The following NDE1 variants were observed in gnomAD, a reference collection of about 807,000 sequenced individuals.
The protein encoded by NDE1 is nuclear distribution protein nudE homolog 1.
Under a neutral mutation model 43.4 loss-of-function variants are expected in NDE1, and 28 were observed. The observed-to-expected ratio is 0.65, with a 90% CI of 0.48 to 0.89. NDE1 has a LOEUF of 0.89. NDE1 is among the 40% of genes least tolerant of loss of function. The pLI is 0.00. For synonymous variants in NDE1, 184 were observed against 172.0 expected (o/e 1.07, Z -0.55); for missense variants, 441 against 434.1 (o/e 1.02, Z -0.14).
chr16:15,673,451 C>T (rs547869462), intron 3 of NDE1, among the ~76,000 whole-genome samples: 9 of 152,144 alleles, frequency 5.9e-5, no homozygotes, highest in Admixed American at 2.6e-4. Flanking sequence ...GTGATCTGCC[C>T]GCCTTGGCCT....
At chr16:15,685,279 G>A (rs1255021604) in intron 4 of NDE1, among the ~76,000 whole-genome samples, 1 of 152,136 alleles carries the variant, frequency 6.6e-6, no homozygotes, top group Admixed American at 6.6e-5. Flanking sequence ...TTTCGAGACA[G>A]GGTCTGGCAT....
intron 5 of NDE1, among the ~76,000 whole-genome samples, chr16:15,688,825 G>A (rs1231947793): frequency 6.8e-6 from 1 of 147,568 alleles, no homozygotes; most frequent in Non-Finnish European, 1.5e-5. Context: ...AGCCTCCTGA[G>A]TAGCTGGGAC....
At chr16:15,703,968 G>T in intron 8 of NDE1, 1 of 1,613,680 alleles carries the variant, frequency 6.2e-7, no homozygotes, top group Non-Finnish European at 8.5e-7. Context: ...TTCTTGCCGT[G>T]GTGCAAAACT....
At chr16:15,707,997 C>A (rs1165717909) in intron 8 of NDE1, among the ~76,000 whole-genome samples, 4 of 150,088 alleles carry the variant, frequency 2.7e-5, no homozygotes, top group Non-Finnish European at 5.9e-5. Context: ...CCCAGAGCAG[C>A]AGAGACCTCT....
intron 8 of NDE1, chr16:15,721,708 A>T: frequency 6.7e-7 from 1 of 1,499,476 alleles, no homozygotes; most frequent in Non-Finnish European, 9.3e-7. Flanking sequence ...ATACCGGGGG[A>T]AGCCCTGTGT....
intron 8 of NDE1, among the ~76,000 whole-genome samples, 197 bp from the exon 9 acceptor site, chr16:15,723,994 G>T (rs1195607065): frequency 6.6e-6 from 1 of 152,190 alleles, no homozygotes; most frequent in African/African-American, 2.4e-5. Flanking sequence ...ACCTGGTAGC[G>T]TTAATGCTCC....
intron 4 of NDE1, among the ~76,000 whole-genome samples, chr16:15,680,925 G>C (rs11649278): frequency 0.42 from 63,790 of 151,512 alleles, 15,195 homozygotes; most frequent in Middle Eastern, 0.57. Context: ...TTTGTCTATT[G>C]TATCATTTTC....
chr16:15,687,330 G>C (rs1312146266), intron 4 of NDE1, 45 bp from the exon 5 acceptor site: 1 of 1,613,604 alleles, frequency 6.2e-7, no homozygotes, highest in Non-Finnish European at 8.5e-7. Context: ...CTGGAGGGAT[G>C]CTGCGGTTTG....
chr16:15,707,275 C>T (rs1011021704), intron 8 of NDE1, among the ~76,000 whole-genome samples: 4 of 152,130 alleles, frequency 2.6e-5, no homozygotes, highest in African/African-American at 9.7e-5. Context: ...GTTATCTGCC[C>T]GCCTCGGCCT....
intron 2 of NDE1, 48 bp from the exon 3 acceptor site, chr16:15,667,236 ACT>A: frequency 8.1e-6 from 13 of 1,603,356 alleles, no homozygotes; most frequent in Non-Finnish European, 1.1e-5. Flanking sequence ...ATAGAGCGAG[ACT>A]CTGTCTTCAA....
chr16:15,704,047 C>G, intron 8 of NDE1: 1 of 1,614,108 alleles, frequency 6.2e-7, no homozygotes, highest in Non-Finnish European at 8.5e-7. Context: ...GTTTCCTCCT[C>G]AGAACCATCT....
At chr16:15,662,156 C>A (rs2037078210) in intron 1 of NDE1, among the ~76,000 whole-genome samples, 1 of 151,878 alleles carries the variant, frequency 6.6e-6, no homozygotes, top group African/African-American at 2.4e-5. Flanking sequence ...CCAGGCTGGT[C>A]TTGAACTCCT....
intron 8 of NDE1, chr16:15,700,073 A>G (rs2039174070): frequency 8.5e-7 from 1 of 1,172,014 alleles, no homozygotes; most frequent in South Asian, 1.7e-5. Context: ...CTCTCTGGGA[A>G]GGGCTCTAAG....
intron 8 of NDE1, chr16:15,721,552 G>A (rs1383310134): frequency 1.2e-6 from 2 of 1,614,198 alleles, no homozygotes; most frequent in Admixed American, 1.7e-5. Context: ...CAGGGCCTTG[G>A]TTTCCTTCTC....
intron 5 of NDE1, 67 bp downstream of exon 5, chr16:15,687,578 C>G: frequency 7.1e-7 from 1 of 1,413,954 alleles, no homozygotes; most frequent in Non-Finnish European, 1.0e-6. Flanking sequence ...TCTTGTCCCA[C>G]AAGCTCTCCC....
intron 3 of NDE1, among the ~76,000 whole-genome samples, chr16:15,673,069 C>A (rs894398280): frequency 3.9e-5 from 6 of 152,212 alleles, no homozygotes; most frequent in African/African-American, 1.2e-4. Context: ...CTGGGTGCAT[C>A]CGGACTTTCT....
intron 3 of NDE1, among the ~76,000 whole-genome samples, chr16:15,673,287 G>A (rs1391857849): frequency 1.3e-5 from 2 of 152,002 alleles, no homozygotes; most frequent in African/African-American, 4.8e-5. Flanking sequence ...TTGGCTCACT[G>A]CAACCTCCGC....
intron 8 of NDE1, chr16:15,714,133 G>A (rs2039980469): frequency 6.5e-6 from 1 of 152,686 alleles, no homozygotes; most frequent in Non-Finnish European, 1.5e-5. Context: ...TGGGAGACAG[G>A]AAGCCCGGAG....
chr16:15,647,083 A>G (rs1267474446), upstream of NDE1, among the ~76,000 whole-genome samples: 1 of 152,258 alleles, frequency 6.6e-6, no homozygotes, highest in Non-Finnish European at 1.5e-5. Flanking sequence ...GGAAGGCATC[A>G]GACGTAGTAA....
Sources: gnomAD v4.1 joint callset for allele counts (sites outside exome capture counted in the v4.1 genomes callset) on GRCh38, gnomAD v4.1.1 for gene constraint, MANE v1.5 for transcripts, NCBI Gene and HGNC (gene_info 2026-07-23, HGNC 2026-07-21) for gene names.